ILDR2: variants seen among roughly 807,000 people sequenced by gnomAD.
ILDR2 encodes immunoglobulin-like domain-containing receptor 2.
ILDR2 carries 25 observed loss-of-function variants against 66.8 expected under a neutral mutation model. That is an observed-to-expected ratio of 0.37 (90% CI 0.27 to 0.52). ILDR2 has a LOEUF of 0.52. Ranked by LOEUF, ILDR2 falls within the 20% of genes least tolerant of loss-of-function variation. The pLI, the probability that ILDR2 is intolerant of heterozygous loss-of-function variation, is 0.88. For missense variants in ILDR2, 827 were observed against 876.8 expected, an observed-to-expected ratio of 0.94 and a Z score of 0.72; for synonymous variants, 367 against 357.2, an observed-to-expected ratio of 1.03 and a Z score of -0.31.
rs907530228 is a variant in ILDR2 at position 166,956,672 on chromosome 1, T to C, written c.499+61A>G. ...CACAGGGGAGAAGTGAGAAGAGGGA[T>C]AGGATACAGTGCAAGTGCAAGTGGT... is the stretch of plus-strand genomic sequence containing the variant. On this transcript the variant is annotated intron_variant, in intron 3 of 9. Transcript: ENST00000271417. 37 of 1,577,616 alleles carry C rather than the reference T, an allele frequency of 2.3e-5. 1 individual carries two copies. In the East Asian group the frequency reaches 3.8e-4, roughly 16 times the overall value.
At position 166,916,503 on chromosome 1, in the gene ILDR2, G is replaced by A. The variant is rs1233530915; in HGVS notation, c.*2852C>T. The A allele has an allele frequency of 6.6e-6, 1 of 152,174 alleles. No individual in the cohort carries two copies. Among genetic ancestry groups the A allele is most frequent in the Admixed American group, 6.5e-5 (1 of 15,274 alleles). 9.4% of individuals were successfully genotyped at this position (152,174 alleles called of 1,614,324 possible). ...TTACTTTGTACTCCAATAAGACCTAGGAAAGAAGCTAACAAATATAACCAT... is the reference window on the plus strand; with the variant it reads ...TTACTTTGTACTCCAATAAGACCTAAGAAAGAAGCTAACAAATATAACCAT... On this transcript the variant is annotated 3_prime_UTR_variant, in exon 10 of 10. Coordinates refer to ENST00000271417, the MANE Select transcript of ILDR2 (RefSeq NM_199351.3).
intron 7 of ILDR2, among the ~76,000 whole-genome samples, chr1:166,926,144 T>C (rs1660265462): frequency 6.6e-6 from 1 of 152,186 alleles, no homozygotes; most frequent in South Asian, 2.1e-4. Flanking sequence ...TCTTCTAGTC[T>C]GGGACTGTTT....
rs1659516780 is a variant in ILDR2 at position 166,913,359 on chromosome 1, G to A, written c.*5996C>T. ...ACAACTGACAGGTGGCCCTCACGAA[G>A]CCAACTTCTCACCCTTCTCTGTCCC... On this transcript the variant is annotated 3_prime_UTR_variant, in exon 10 of 10. Transcript: ENST00000271417. 6.6e-6 allele frequency: 1 copy of A among 152,118 alleles called. No individual in the cohort carries two copies. The highest frequency in any genetic ancestry group is 2.4e-5 in the African/African-American group (1 of 41,436). 9.4% of individuals were successfully genotyped at this position (152,118 alleles called of 1,614,324 possible). A position where few individuals can be genotyped will look rare whatever the true frequency, so the allele number is the denominator to read the frequency against.
intron 6 of ILDR2, among the ~76,000 whole-genome samples, chr1:166,930,947 A>G (rs897516529): frequency 8.5e-5 from 13 of 152,346 alleles, no homozygotes; most frequent in African/African-American, 2.9e-4. Context: ...GCCAAAGTTC[A>G]GCATATTTGG....
At position 166,936,769 on chromosome 1, in the gene ILDR2, AG is replaced by A. The variant is rs754093447; in HGVS notation, c.557-33del. 29 of 1,612,244 alleles carry A rather than the reference AG, an allele frequency of 1.8e-5. No individual in the cohort carries two copies. Among genetic ancestry groups the A allele is most frequent in the Middle Eastern group, 1.6e-4 (1 of 6,062 alleles). ...GGATGCACAAAGAAATCCACACTCG[AG>A]GCAGCCCACCTCCAGGGCAGGGTGC... On this transcript the variant is annotated intron_variant, in intron 4 of 9. Transcript: ENST00000271417. This position sits in a 1 kb window ranked among gnomAD's most constrained non-coding sequence, Gnocchi z 5.0.
At chr1:166,905,093 T>C (rs1192023964), downstream of ILDR2, among the ~76,000 whole-genome samples, 1 of 152,240 alleles carries the variant, frequency 6.6e-6, no homozygotes, top group Non-Finnish European at 1.5e-5. Flanking sequence ...AAGGGGATTG[T>C]ATTCATAATA....
intron 1 of ILDR2, among the ~76,000 whole-genome samples, chr1:166,961,864 G>A (rs1662638790): frequency 6.6e-6 from 1 of 152,184 alleles, no homozygotes; most frequent in Non-Finnish European, 1.5e-5. Context: ...GTTCAATAGT[G>A]ACAGTGCCTG....
chr1:166,969,953 G>C (rs1663183670), intron 1 of ILDR2, among the ~76,000 whole-genome samples: 1 of 152,176 alleles, frequency 6.6e-6, no homozygotes, highest in Non-Finnish European at 1.5e-5. Flanking sequence ...TACTTGGCAA[G>C]ATCAAATGGG....
At chr1:166,973,981 A>G (rs1310174815) in intron 1 of ILDR2, among the ~76,000 whole-genome samples, 1 of 152,120 alleles carries the variant, frequency 6.6e-6, no homozygotes, top group Non-Finnish European at 1.5e-5. Context: ...CTTATTCTGA[A>G]GCTAAGGGAA....
At chr1:166,897,030 A>G (rs981764106) in intron 2 of ILDR2, among the ~76,000 whole-genome samples, 3 of 152,222 alleles carry the variant, frequency 2.0e-5, no homozygotes, top group African/African-American at 7.2e-5. Flanking sequence ...TGCTATACGC[A>G]ATTGGGAACC....
intron 7 of ILDR2, among the ~76,000 whole-genome samples, chr1:166,926,658 GGA>G (rs1387336418): frequency 6.6e-6 from 1 of 150,512 alleles, no homozygotes; most frequent in Admixed American, 6.6e-5. Flanking sequence ...GGAGTAGAAG[GGA>G]AAGACTATTT....
At chr1:166,951,796 C>T (rs1178103834) in intron 3 of ILDR2, among the ~76,000 whole-genome samples, 1 of 152,104 alleles carries the variant, frequency 6.6e-6, no homozygotes, top group Non-Finnish European at 1.5e-5. Flanking sequence ...GAACCTGTTC[C>T]ATATTAAAAG....
intron 5 of ILDR2, among the ~76,000 whole-genome samples, chr1:166,935,766 C>G (rs979500856): frequency 1.3e-5 from 2 of 152,178 alleles, no homozygotes; most frequent in Non-Finnish European, 2.9e-5. Flanking sequence ...TCCCCAGTGA[C>G]AGCAGCAGCC....
At chr1:166,927,560 C>T (rs983939982) in intron 6 of ILDR2, among the ~76,000 whole-genome samples, 3 of 152,192 alleles carry the variant, frequency 2.0e-5, no homozygotes, top group Non-Finnish European at 4.4e-5. Context: ...TGAGGACATG[C>T]GTCACTCTAG....
At chr1:166,942,980 A>G (rs879587516) in intron 3 of ILDR2, among the ~76,000 whole-genome samples, 2 of 152,226 alleles carry the variant, frequency 1.3e-5, no homozygotes, top group Non-Finnish European at 2.9e-5. Flanking sequence ...GACATACATC[A>G]AGCTTCTCAT....
In ILDR2 at chr1:166,918,263, T is replaced by A. The variant is rs907800666; in HGVS notation, c.*1092A>T. The A allele has an allele frequency of 1.3e-5, 2 of 152,004 alleles. No individual in the cohort carries two copies. Among genetic ancestry groups the A allele is most frequent in the Non-Finnish European group, 2.9e-5 (2 of 68,008 alleles). 9.4% of individuals were successfully genotyped at this position (152,004 alleles called of 1,614,324 possible). ...CAGGCCAAATGCTGTATGTTCCACA[T>A]CCCCCATGTCCTAGAATGGCAGAAC... On this transcript the variant is annotated 3_prime_UTR_variant, in exon 10 of 10. Coordinates refer to ENST00000271417, the MANE Select transcript of ILDR2 (RefSeq NM_199351.3).
At chr1:166,933,512 T>G in intron 6 of ILDR2, 1 of 974,674 alleles carries the variant, frequency 1.0e-6, no homozygotes, top group Non-Finnish European at 1.2e-6. Context: ...ATTTCTATTT[T>G]AATGCCACTT....
At chr1:166,962,511 A>G (rs995763807) in intron 1 of ILDR2, among the ~76,000 whole-genome samples, 1 of 152,042 alleles carries the variant, frequency 6.6e-6, no homozygotes, top group East Asian at 1.9e-4. Context: ...CATCCATCCA[A>G]CTTCAAAAAA....
At position 166,975,292 on chromosome 1, in the gene ILDR2, T is replaced by A. The variant is rs768593796; in HGVS notation, c.-24A>T. ...ATCTTCCCCAACTTCCCAGCCGAAT[T>A]ACGGAGTGAGGAAAGTGGGAAATGG... is the stretch of plus-strand genomic sequence containing the variant. On this transcript the variant is annotated 5_prime_UTR_variant, in exon 1 of 10. Transcript: ENST00000271417. 2.5e-6 allele frequency: 4 copies of A among 1,610,592 alleles called. No homozygotes were observed. The highest frequency in any genetic ancestry group is 3.4e-6 in the Non-Finnish European group (4 of 1,177,338).
Sources: gnomAD v4.1 joint callset for allele counts (sites outside exome capture counted in the v4.1 genomes callset) on GRCh38, gnomAD v4.1.1 for gene constraint, Gnocchi (gnomAD v3.1) non-coding constraint, MANE v1.5 for transcripts, NCBI Gene and HGNC (gene_info 2026-07-23, HGNC 2026-07-21) for gene names.